The following PRXL2B variants were observed in gnomAD, a reference collection of about 807,000 sequenced individuals.
PRXL2B encodes the protein peroxiredoxin like 2B.
In PRXL2B, 26 loss-of-function variants were observed where a neutral mutation model predicts 24.4. That is an observed-to-expected ratio of 1.07 (90% CI 0.78 to 1.48). PRXL2B has a LOEUF of 1.48. Among genes scored for constraint, PRXL2B ranks in the 40% most tolerant of loss-of-function variants. The pLI, the probability that PRXL2B is intolerant of heterozygous loss-of-function variation, is 0.00. For synonymous variants in PRXL2B, 115 were observed against 118.9 expected, an observed-to-expected ratio of 0.97 and a Z score of 0.21; for missense variants, 269 against 264.8, an observed-to-expected ratio of 1.02 and a Z score of -0.11.
rs1452803890 is a variant in PRXL2B at position 2,586,860 on chromosome 1, G to A, written c.-26G>A. 1.6e-6 allele frequency: 2 copies of A among 1,287,130 alleles called. No homozygotes were observed. The highest frequency in any genetic ancestry group is 2.0e-6 in the Non-Finnish European group (2 of 1,017,972). 79.7% of individuals were successfully genotyped at this position (1,287,130 alleles called of 1,614,324 possible). On this transcript the variant is annotated 5_prime_UTR_variant, in exon 1 of 7. Coordinates refer to ENST00000419916, the MANE Select transcript of PRXL2B (RefSeq NM_152371.5). ...GCGGGGAACAGGGAGTCGGGGAGCC[G>A]GGAACCAGGGCTGGCAGCGGCCGCC... is the stretch of plus-strand genomic sequence containing the variant.
Position 2,589,554 on chromosome 1 carries a change from G to T in PRXL2B, c.*127G>T. 2.2e-6 allele frequency: 3 copies of T among 1,355,564 alleles called. No individual in the cohort carries two copies. Among genetic ancestry groups the T allele is most frequent in the East Asian group, 2.5e-5 (1 of 40,506 alleles). The allele number at this position is 1,355,564 out of a possible 1,614,324, so 84.0% of individuals were successfully genotyped here. Reference sequence around the variant, plus strand: ...GATGCCGAACCTCTCCTGATCCGCCGGCAGCAACGAGCCATTAAAACTGCA... The same window carrying T: ...GATGCCGAACCTCTCCTGATCCGCCTGCAGCAACGAGCCATTAAAACTGCA... On this transcript the variant is annotated 3_prime_UTR_variant, in exon 7 of 7. Coordinates refer to ENST00000419916, the MANE Select transcript of PRXL2B (RefSeq NM_152371.5).
Position 2,591,175 on chromosome 1 carries a change from C to T in PRXL2B, c.*1748C>T. ...AAGTTCTCCGTGATTAAAAACCAGC[C>T]CAAAACATCAGCCTAATGGCTCATG... On this transcript the variant is annotated 3_prime_UTR_variant, in exon 7 of 7. Transcript: ENST00000419916. 1.1e-6 allele frequency: 1 copy of T among 909,980 alleles called. No homozygotes were observed. The highest frequency in any genetic ancestry group is 1.7e-5 in the African/African-American group (1 of 59,570). The allele number at this position is 909,980 out of a possible 1,614,324, so 56.4% of individuals were successfully genotyped here.
intron 5 of PRXL2B, 113 bp downstream of exon 5, chr1:2,588,738 C>A (rs1319457015): frequency 3.9e-6 from 5 of 1,297,098 alleles, no homozygotes; most frequent in Non-Finnish European, 5.5e-6. Flanking sequence ...CCCTCCGCCG[C>A]AATGTGGCCT....
intron 6 of PRXL2B, 120 bp from the exon 7 acceptor site, chr1:2,589,290 G>T: frequency 7.0e-7 from 1 of 1,421,464 alleles, no homozygotes; most frequent in Non-Finnish European, 9.6e-7. Flanking sequence ...CACATGGGGT[G>T]GCGGGCAGAG....
intron 5 of PRXL2B, 106 bp from the exon 6 acceptor site, chr1:2,588,816 G>A: frequency 1.6e-6 from 2 of 1,258,190 alleles, no homozygotes; most frequent in Admixed American, 3.5e-5. Context: ...GTAGCCGGGT[G>A]GGGGATATGG....
chr1:2,586,762 G>T, upstream of PRXL2B: 1 of 1,241,896 alleles, frequency 8.1e-7, no homozygotes. Flanking sequence ...AGGCGGGACC[G>T]GGGCATCTCG....
chr1:2,587,784 C>T lies in PRXL2B; in HGVS notation c.312C>T (p.Gly104=). 1.9e-6 allele frequency: 3 copies of T among 1,577,536 alleles called. No individual in the cohort carries two copies. The highest frequency in any genetic ancestry group is 1.7e-6 in the Non-Finnish European group (2 of 1,157,990). ...DESKQLYKEL[G]FKRYNSLSIL... is the part of the protein sequence containing the mutation. ...GCAAGCAGCTTTACAAGGAGCTAGG[C>T]TTCAAGCGGTGAGTGGGGGCGGGAA... The change falls in exon 3 of 7, where the codon GGC becomes GGT. Residue 104 remains glycine (G), a synonymous_variant. Coordinates refer to ENST00000419916, the MANE Select transcript of PRXL2B (RefSeq NM_152371.5). The surrounding 1 kb of genome is among the most constrained non-coding windows in gnomAD (Gnocchi z 6.1).
In PRXL2B at chr1:2,586,827, A is replaced by G. The variant is rs1332814400; in HGVS notation, c.-59A>G. 2 of 1,271,948 alleles carry G rather than the reference A, an allele frequency of 1.6e-6. No homozygotes were observed. The highest frequency in any genetic ancestry group is 6.2e-5 in the East Asian group (2 of 32,060). 78.8% of individuals were successfully genotyped at this position (1,271,948 alleles called of 1,614,324 possible). ...CGGGAGCGGGGATCCAGGAGCGAGGAGCCGGGAGCGGGGAACAGGGAGTCG... is the reference window on the plus strand; with the variant it reads ...CGGGAGCGGGGATCCAGGAGCGAGGGGCCGGGAGCGGGGAACAGGGAGTCG... On this transcript the variant is annotated 5_prime_UTR_variant, in exon 1 of 7. Transcript: ENST00000419916.
chr1:2,589,595 C>T lies in PRXL2B; in HGVS notation c.*168C>T, dbSNP rs532503194. On this transcript the variant is annotated 3_prime_UTR_variant, in exon 7 of 7. Transcript: ENST00000419916. ...TAAAACTGCAGTTCCTGACCACGCACTGCTTCGCAGGCTCCGAGCCCTGCA... is the reference window on the plus strand; with the variant it reads ...TAAAACTGCAGTTCCTGACCACGCATTGCTTCGCAGGCTCCGAGCCCTGCA... 8.9e-6 allele frequency: 8 copies of T among 894,232 alleles called. No individual in the cohort carries two copies. In the South Asian group the frequency reaches 1.1e-4, roughly 12 times the overall value. 55.4% of individuals were successfully genotyped at this position (894,232 alleles called of 1,614,324 possible). A position where few individuals can be genotyped will look rare whatever the true frequency, so the allele number is the denominator to read the frequency against.
chr1:2,586,690 C>G (rs1346238859), upstream of PRXL2B: 19 of 1,197,856 alleles, frequency 1.6e-5, no homozygotes, highest in Non-Finnish European at 1.9e-5. Flanking sequence ...CTGCGGCCAT[C>G]TTGGGGGCGG....
In PRXL2B at chr1:2,586,835, G is replaced by A; in HGVS notation, c.-51G>A. ...GGGATCCAGGAGCGAGGAGCCGGGA[G>A]CGGGGAACAGGGAGTCGGGGAGCCG... On this transcript the variant is annotated 5_prime_UTR_variant, in exon 1 of 7. Transcript: ENST00000419916. 1 of 1,277,618 alleles carries A rather than the reference G, an allele frequency of 7.8e-7. No homozygotes were observed. Among genetic ancestry groups the A allele is most frequent in the Middle Eastern group, 3.0e-4 (1 of 3,370 alleles). The allele number at this position is 1,277,618 out of a possible 1,614,324, so 79.1% of individuals were successfully genotyped here.
In PRXL2B at chr1:2,589,773, G is replaced by A. The variant is rs184905778; in HGVS notation, c.*346G>A. Reference sequence around the variant, plus strand: ...CTGGGGATGGTAACCTCACTGCCCCGTCACTCCCTTCAAAGGCGACAGACC... The same window carrying A: ...CTGGGGATGGTAACCTCACTGCCCCATCACTCCCTTCAAAGGCGACAGACC... On this transcript the variant is annotated 3_prime_UTR_variant, in exon 7 of 7. Coordinates refer to ENST00000419916, the MANE Select transcript of PRXL2B (RefSeq NM_152371.5). The A allele has an allele frequency of 3.1e-3, 1,323 of 423,136 alleles. 7 individuals carry two copies. The highest frequency in any genetic ancestry group is 3.7e-3 in the Non-Finnish European group (864 of 233,560). The allele number at this position is 423,136 out of a possible 1,614,324, so 26.2% of individuals were successfully genotyped here.
chr1:2,588,853 C>G, intron 5 of PRXL2B, 69 bp from the exon 6 acceptor site: 1 of 1,480,548 alleles, frequency 6.8e-7, no homozygotes, highest in Non-Finnish European at 9.4e-7. Context: ...TACCCTCCCT[C>G]CTCCTGGTAT....
At position 2,587,323 on chromosome 1, in the gene PRXL2B, G is replaced by C. The variant is rs376931006; in HGVS notation, c.268+28G>C. Reference sequence around the variant, plus strand: ...GCGTCCTGTTCCCCGCCGCGGCGGCGCACATACCCTTCCCTAAGCTCAGGG... The same window carrying C: ...GCGTCCTGTTCCCCGCCGCGGCGGCCCACATACCCTTCCCTAAGCTCAGGG... On this transcript the variant is annotated intron_variant, in intron 2 of 6. Transcript: ENST00000419916. This position sits in a 1 kb window ranked among gnomAD's most constrained non-coding sequence, Gnocchi z 6.1. The C allele has an allele frequency of 1.6e-5, 25 of 1,542,618 alleles. 3 individuals are homozygous for C. The South Asian group carries it at 3.0e-4, about 18-fold the overall frequency.
In PRXL2B at chr1:2,591,087, A is replaced by C; in HGVS notation, c.*1660A>C. ...GGCCAGGTTCTGCAGCGACCCCAGT[A>C]CCCTGTGGGTGGGTGGGTGTGACAG... On this transcript the variant is annotated 3_prime_UTR_variant, in exon 7 of 7. Coordinates refer to ENST00000419916, the MANE Select transcript of PRXL2B (RefSeq NM_152371.5). 6.3e-7 allele frequency: 1 copy of C among 1,580,648 alleles called. No individual in the cohort carries two copies. The highest frequency in any genetic ancestry group is 2.3e-5 in the East Asian group (1 of 43,976).
At chr1:2,589,108 C>G (rs1557505787) in intron 6 of PRXL2B, 68 bp downstream of exon 6, 1 of 1,457,440 alleles carries the variant, frequency 6.9e-7, no homozygotes, top group East Asian at 2.3e-5. Flanking sequence ...GGGAGGAGCA[C>G]TCGGCTTGGC....
At position 2,588,575 on chromosome 1, in the gene PRXL2B, A is replaced by G; in HGVS notation, c.410A>G (p.Asn137Ser). 1 of 1,614,118 alleles carries G rather than the reference A, an allele frequency of 6.2e-7. No individual in the cohort carries two copies. Among genetic ancestry groups the G allele is most frequent in the South Asian group, 1.1e-5 (1 of 91,090 alleles). ...GCCAAGGCTGTTGGCATCCAGGGGA[A>G]CTTGTCTGGGGACCTGCTGCAGAGC... ...AKAKAVGIQG[N>S]LSGDLLQSGG... Residue 137 changes from asparagine to serine, a missense_variant, in exon 5 of 7, where the codon AAC (asparagine) becomes AGC (serine). Physicochemically the swap from Asn to Ser is conservative, Grantham distance 46. Transcript: ENST00000419916.
Position 2,587,930 on chromosome 1 carries a change from C to A in PRXL2B, c.320+138C>A. ...TTCCTGGGCAAGGCGGCTCTGGTGGCACTGTTGACCAGCCCTTCTGCCAGG... is the reference window on the plus strand; with the variant it reads ...TTCCTGGGCAAGGCGGCTCTGGTGGAACTGTTGACCAGCCCTTCTGCCAGG... On this transcript the variant is annotated intron_variant, in intron 3 of 6. Coordinates refer to ENST00000419916, the MANE Select transcript of PRXL2B (RefSeq NM_152371.5). This position sits in a 1 kb window ranked among gnomAD's most constrained non-coding sequence, Gnocchi z 6.1. 1.1e-6 allele frequency: 1 copy of A among 923,802 alleles called. No homozygotes were observed. Among genetic ancestry groups the A allele is most frequent in the Non-Finnish European group, 1.6e-6 (1 of 620,864 alleles). The allele number at this position is 923,802 out of a possible 1,614,324, so 57.2% of individuals were successfully genotyped here. A position where few individuals can be genotyped will look rare whatever the true frequency, so the allele number is the denominator to read the frequency against.
chr1:2,588,161 T>C (rs2100902978), intron 3 of PRXL2B, among the ~76,000 whole-genome samples: 1 of 152,214 alleles, frequency 6.6e-6, no homozygotes, highest in East Asian at 1.9e-4. Context: ...GCCCCATCCA[T>C]GCTCCCTGCA....
Sources: allele counts gnomAD v4.1 joint callset (sites outside exome capture counted in the v4.1 genomes callset), GRCh38; gene constraint gnomAD v4.1.1; non-coding constraint Gnocchi (gnomAD v3.1); transcripts MANE v1.5; gene names NCBI Gene and HGNC (gene_info 2026-07-23, HGNC 2026-07-21).